Variants in ATCAY observed in about 807,000 individuals in gnomAD.
The protein encoded by ATCAY is ATCAY kinesin light chain interacting caytaxin.
A neutral mutation model predicts 47.7 loss-of-function variants in ATCAY; 22 were observed. That is an observed-to-expected ratio of 0.46 (90% confidence interval 0.33 to 0.66). ATCAY has a LOEUF of 0.66. Ranked by LOEUF, ATCAY falls within the 30% of genes least tolerant of loss-of-function variation. ATCAY has a pLI of 0.02. For missense variants in ATCAY, 452 were observed against 515.0 expected, an observed-to-expected ratio of 0.88 and a Z score of 1.18; for synonymous variants, 216 against 207.6, an observed-to-expected ratio of 1.04 and a Z score of -0.35.
intron 2 of ATCAY, among the ~76,000 whole-genome samples, chr19:3,886,462 C>A (rs535460371): frequency 2.0e-5 from 3 of 151,758 alleles, no homozygotes; most frequent in Non-Finnish European, 4.4e-5. Context: ...GTGTGGCAGG[C>A]GCCTGTAGTC....
Position 3,922,166 on chromosome 19 carries a change from C to T in ATCAY, c.1106+1368C>T, listed in dbSNP as rs1599149949. 5.7e-6 allele frequency: 4 copies of T among 702,332 alleles called. No homozygotes were observed. The East Asian group carries it at 1.1e-4, about 19-fold the overall frequency. The allele number at this position is 702,332 out of a possible 1,614,324, so 43.5% of individuals were successfully genotyped here. On this transcript the variant is annotated intron_variant, in intron 12 of 12. Transcript: ENST00000450849. ...CTGCATGGCTTTTCTTAGCCTCCAG[C>T]CCCTGCACAGATCAAGCTGATGCCA...
chr19:3,917,350 C>T (rs570534862), intron 9 of ATCAY, among the ~76,000 whole-genome samples: 20 of 151,124 alleles, frequency 1.3e-4, no homozygotes, highest in African/African-American at 4.8e-4. Context: ...TTTGGGAGGC[C>T]GAGGTGGGTG....
Position 3,924,746 on chromosome 19 carries a change from TC to T in ATCAY, c.*156del. On this transcript the variant is annotated 3_prime_UTR_variant, in exon 13 of 13. Transcript: ENST00000450849. ...CTCCGTTCATCTCTGAAACCCAGCA[TC>T]CTTTTCAGCTGCTTGAAAACATTGT... is the stretch of plus-strand genomic sequence containing the variant. 1 of 733,020 alleles carries T rather than the reference TC, an allele frequency of 1.4e-6. No individual in the cohort carries two copies. The highest frequency in any genetic ancestry group is 2.2e-6 in the Non-Finnish European group (1 of 445,960). 45.4% of individuals were successfully genotyped at this position (733,020 alleles called of 1,614,324 possible).
chr19:3,927,954 A>T lies in ATCAY; in HGVS notation c.*3362A>T, dbSNP rs2039082478. 1 of 152,204 alleles carries T rather than the reference A, an allele frequency of 6.6e-6. No homozygotes were observed. The highest frequency in any genetic ancestry group is 2.4e-5 in the African/African-American group (1 of 41,448). The allele number at this position is 152,204 out of a possible 1,614,324, so 9.4% of individuals were successfully genotyped here. ...GTCCTGGTCAGCAGCCCATCCTTCC[A>T]ACGATGAGTTTTGCGGTTTTTCAGA... On this transcript the variant is annotated 3_prime_UTR_variant, in exon 13 of 13. Coordinates refer to ENST00000450849, the MANE Select transcript of ATCAY (RefSeq NM_033064.5).
chr19:3,889,999 C>T (rs1202884501), intron 2 of ATCAY, among the ~76,000 whole-genome samples: 1 of 150,290 alleles, frequency 6.7e-6, no homozygotes, highest in Non-Finnish European at 1.5e-5. Flanking sequence ...GGCTGGGGTG[C>T]AGTGGCGCCA....
intron 2 of ATCAY, among the ~76,000 whole-genome samples, chr19:3,888,416 G>C (rs2038682777): frequency 6.6e-6 from 1 of 151,948 alleles, no homozygotes; most frequent in South Asian, 2.1e-4. Flanking sequence ...AATCACTTGA[G>C]GTCAGGAGTT....
chr19:3,886,769 AGT>A (rs112230893), intron 2 of ATCAY, among the ~76,000 whole-genome samples: 1 of 142,774 alleles, frequency 7.0e-6, no homozygotes, highest in African/African-American at 2.6e-5. Context: ...GCTGGAGTGC[AGT>A]GGCACGATCT....
chr19:3,889,054 G>T (rs1170766243), intron 2 of ATCAY, among the ~76,000 whole-genome samples: 16 of 152,132 alleles, frequency 1.1e-4, no homozygotes. Context: ...AGGATCGCTT[G>T]AGCCCAGGAG....
intron 2 of ATCAY, among the ~76,000 whole-genome samples, chr19:3,887,678 G>A (rs545096358): frequency 2.0e-5 from 3 of 150,260 alleles, no homozygotes; most frequent in Admixed American, 6.6e-5. Context: ...AGTAGAGACG[G>A]GGTTTCACCA....
chr19:3,909,556 C>T lies in ATCAY; in HGVS notation c.718C>T (p.Pro240Ser). 6.2e-7 allele frequency: 1 copy of T among 1,613,596 alleles called. No individual in the cohort carries two copies. The highest frequency in any genetic ancestry group is 2.2e-5 in the East Asian group (1 of 44,850). ...GATCGTGTACCTGAACGGTGCCACGCCCCGGCGGAGGATGCCTGGAATCGG... is the reference window on the plus strand; with the variant it reads ...GATCGTGTACCTGAACGGTGCCACGTCCCGGCGGAGGATGCCTGGAATCGG... ...YMIVYLNGAT[P>S]RRRMPGIGWL... Residue 240 changes from proline (P) to serine (S), a missense_variant, in exon 7 of 13, where the codon CCC becomes TCC. By Grantham distance (74) the Pro-to-Ser change is moderately conservative (BLOSUM62 -1). Coordinates refer to ENST00000450849, the MANE Select transcript of ATCAY (RefSeq NM_033064.5).
rs556310468 is a variant in ATCAY at position 3,897,225 on chromosome 19, C to G, written c.78-5262C>G. Among the ~76,000 whole-genome samples, 4 of 151,794 alleles carry G rather than the reference C, an allele frequency of 2.6e-5. No homozygotes were observed. The East Asian group carries it at 7.8e-4, about 29-fold the overall frequency. ...GGTTTGGGTTAACCTTCTGAATGAG[C>G]AGGTCAGTTCATTCTTCAGTCCTTT... On this transcript the variant is annotated intron_variant, in intron 2 of 12. Transcript: ENST00000450849.
At chr19:3,893,005 G>A (rs1260546755) in intron 2 of ATCAY, among the ~76,000 whole-genome samples, 1 of 152,020 alleles carries the variant, frequency 6.6e-6, no homozygotes, top group East Asian at 1.9e-4. Flanking sequence ...ACCCAATCTG[G>A]GACCACTCAT....
intron 12 of ATCAY, among the ~76,000 whole-genome samples, chr19:3,921,338 C>T (rs370562759): frequency 1.9e-4 from 29 of 150,866 alleles, no homozygotes; most frequent in African/African-American, 7.1e-4. Flanking sequence ...TGGCAAGACC[C>T]CGTCCCTAAA....
intron 11 of ATCAY, among the ~76,000 whole-genome samples, chr19:3,919,541 G>A (rs752466640): frequency 6.6e-6 from 1 of 151,992 alleles, no homozygotes; most frequent in Non-Finnish European, 1.5e-5. Flanking sequence ...GCAGTGAGCC[G>A]AGATCAGACC....
At chr19:3,914,978 C>T (rs544603581) in intron 9 of ATCAY, among the ~76,000 whole-genome samples, 1 of 114,054 alleles carries the variant, frequency 8.8e-6, no homozygotes, top group Admixed American at 1.1e-4. Context: ...TTTCCTGGAG[C>T]CCCTCAGGGA....
intron 2 of ATCAY, among the ~76,000 whole-genome samples, chr19:3,889,455 G>A (rs2038693916): frequency 6.6e-6 from 1 of 151,940 alleles, no homozygotes; most frequent in African/African-American, 2.4e-5. Context: ...AAATTAGTCA[G>A]GTATGCTGGT....
At chr19:3,913,883 C>T (rs745337967) in intron 9 of ATCAY, 27 bp downstream of exon 9, 14 of 1,579,456 alleles carry the variant, frequency 8.9e-6, no homozygotes, top group South Asian at 7.8e-5. Flanking sequence ...TCCACCCCGC[C>T]GTATTAGTCT....
At chr19:3,890,581 AG>A (rs2038708842) in intron 2 of ATCAY, among the ~76,000 whole-genome samples, 1 of 152,138 alleles carries the variant, frequency 6.6e-6, no homozygotes, top group South Asian at 2.1e-4. Context: ...TAATTTTAAA[AG>A]CTCTCATCTC....
chr19:3,903,559 T>A (rs553593817), intron 3 of ATCAY, among the ~76,000 whole-genome samples: 63 of 151,798 alleles, frequency 4.2e-4, no homozygotes, highest in African/African-American at 1.5e-3. Context: ...AGCCTCACTG[T>A]ATCGCCCAGG....
Sources: gnomAD v4.1 joint callset for allele counts (sites outside exome capture counted in the v4.1 genomes callset) on GRCh38, gnomAD v4.1.1 for gene constraint, MANE v1.5 for transcripts, NCBI Gene and HGNC (gene_info 2026-07-23, HGNC 2026-07-21) for gene names.